The following VPS33A variants were observed in gnomAD, a reference collection of about 807,000 sequenced individuals.
The protein encoded by VPS33A is VPS33A core subunit of CORVET and HOPS complexes.
VPS33A carries 32 observed loss-of-function variants against 71.8 expected under a neutral mutation model. The ratio of observed to expected loss-of-function variants is 0.45; its 90% CI spans 0.34 to 0.60. VPS33A has a LOEUF of 0.60. VPS33A is among the 20% of genes least tolerant of loss of function. VPS33A has a pLI of 0.02. For synonymous variants in VPS33A, 311 were observed against 292.7 expected (o/e 1.06, Z -0.64); for missense variants, 625 against 748.5 (o/e 0.84, Z 1.92).
chr12:122,239,891 A>G lies in VPS33A; in HGVS notation c.1151T>C (p.Ile384Thr). 1 of 1,612,522 alleles carries G rather than the reference A, an allele frequency of 6.2e-7. No homozygotes were observed. Reference protein sequence around the residue: ...LTVEQEFMSGIDTDKVNNYIE... With the variant: ...LTVEQEFMSGTDTDKVNNYIE... Reference sequence around the variant, plus strand: ...TTGTCCACATACCTTATCAGTGTCTATTCCAGACATAAACTCCTGTTCCAC... The same window carrying G: ...TTGTCCACATACCTTATCAGTGTCTGTTCCAGACATAAACTCCTGTTCCAC... Residue 384 changes from isoleucine to threonine, a missense_variant, in exon 9 of 13, where the codon ATA becomes ACA. Transcript: ENST00000267199.
chr12:122,261,126 G>T, intron 4 of VPS33A, 135 bp downstream of exon 4: 1 of 717,754 alleles, frequency 1.4e-6, no homozygotes, highest in Non-Finnish European at 2.1e-6. Context: ...TGAACAATTT[G>T]TTGAACAGAA....
At position 122,242,660 on chromosome 12, in the gene VPS33A, C is replaced by A. The variant is rs1954730998; in HGVS notation, c.970-152G>T. On this transcript the variant is annotated intron_variant, in intron 7 of 12. Coordinates refer to ENST00000267199, the MANE Select transcript of VPS33A (RefSeq NM_022916.6). ...CTCCGCCTCCCAGGTTCAAGTGATT[C>A]TCATGCCTCAGCCTCCCGAGTAGCT... 2.1e-5 allele frequency: 21 copies of A among 1,001,900 alleles called. No individual in the cohort carries two copies. In the South Asian group the frequency reaches 4.0e-4, roughly 19 times the overall value. The allele number at this position is 1,001,900 out of a possible 1,614,324, so 62.1% of individuals were successfully genotyped here.
intron 10 of VPS33A, among the ~76,000 whole-genome samples, chr12:122,237,564 T>A (rs1316220942): frequency 7.5e-6 from 1 of 132,724 alleles, no homozygotes; most frequent in East Asian, 2.2e-4. Flanking sequence ...TGAGACGGAG[T>A]CTCGCTCTGT....
At chr12:122,244,490 T>G in intron 7 of VPS33A, 79 bp downstream of exon 7, 1 of 1,271,342 alleles carries the variant, frequency 7.9e-7, no homozygotes. Flanking sequence ...CTACATATTT[T>G]TGGAGCTCTT....
Position 122,249,961 on chromosome 12 carries a change from A to T in VPS33A, c.685T>A (p.Leu229Met). The change falls in exon 6 of 13, where the codon TTG becomes ATG. Residue 229 changes from leucine to methionine, a missense_variant. Transcript: ENST00000267199. Reference protein sequence around the residue: ...SIFPVFDNLLLLDRNVDLLTP... With the variant: ...SIFPVFDNLLMLDRNVDLLTP... ...AATAAATCCACATTCCGATCAAGCA[A>T]CAAGAGATTATCAAAAACAGGAAAT... 6.2e-7 allele frequency: 1 copy of T among 1,614,176 alleles called. No homozygotes were observed. The highest frequency in any genetic ancestry group is 8.5e-7 in the Non-Finnish European group (1 of 1,180,022).
chr12:122,236,760 G>C (rs1251267829), intron 10 of VPS33A, among the ~76,000 whole-genome samples: 1 of 152,206 alleles, frequency 6.6e-6, no homozygotes, highest in Non-Finnish European at 1.5e-5. Context: ...CATGACGTAG[G>C]TATCATTACC....
chr12:122,244,960 C>T (rs952069681), intron 6 of VPS33A, among the ~76,000 whole-genome samples, 198 bp from the exon 7 acceptor site: 1 of 152,196 alleles, frequency 6.6e-6, no homozygotes, highest in Non-Finnish European at 1.5e-5. Context: ...TTCTCATTAT[C>T]TTTGGGGCAC....
chr12:122,261,560 G>T, intron 3 of VPS33A, 113 bp from the exon 4 acceptor site: 1 of 994,682 alleles, frequency 1.0e-6, no homozygotes, highest in Non-Finnish European at 1.5e-6. Context: ...ATGCTGGCTA[G>T]ATAAATCATA....
intron 7 of VPS33A, among the ~76,000 whole-genome samples, chr12:122,242,722 T>G (rs1323053312): frequency 6.6e-6 from 1 of 151,960 alleles, no homozygotes; most frequent in Non-Finnish European, 1.5e-5. Context: ...CCAAACTAAT[T>G]TTTGTATTTT....
At chr12:122,253,662 T>C (rs935713100) in intron 4 of VPS33A, 3 of 154,360 alleles carry the variant, frequency 1.9e-5, no homozygotes, top group Admixed American at 6.5e-5. Flanking sequence ...CAATATTTTT[T>C]AAAAGATGTA....
At chr12:122,238,770 T>TACATACACACAC in intron 9 of VPS33A, 46 bp from the exon 10 acceptor site, 1 of 871,996 alleles carries the variant, frequency 1.1e-6, no homozygotes, top group Non-Finnish European at 1.8e-6. Context: ...TACATATACA[T>TACATACACACAC]ACACACACAC....
intron 6 of VPS33A, among the ~76,000 whole-genome samples, chr12:122,245,361 T>C (rs1954763767): frequency 6.6e-6 from 1 of 152,036 alleles, no homozygotes; most frequent in South Asian, 2.1e-4. Context: ...TTACTGTGGA[T>C]TGGAATCCAA....
chr12:122,259,631 A>G (rs1566051790), intron 4 of VPS33A, among the ~76,000 whole-genome samples: 1 of 152,184 alleles, frequency 6.6e-6, no homozygotes, highest in African/African-American at 2.4e-5. Context: ...TCAGGTGTCC[A>G]TCAGCTGATG....
At chr12:122,250,070 TG>T (rs1954823347) in intron 5 of VPS33A, 25 bp from the exon 6 acceptor site, 1 of 1,576,074 alleles carries the variant, frequency 6.3e-7, no homozygotes, top group Non-Finnish European at 8.6e-7. Flanking sequence ...TTGGATGAGG[TG>T]GGGCCCCCCT....
chr12:122,243,005 T>C (rs1174432796), intron 7 of VPS33A, among the ~76,000 whole-genome samples: 1 of 152,198 alleles, frequency 6.6e-6, no homozygotes, highest in Non-Finnish European at 1.5e-5. Flanking sequence ...GAGGTCATGG[T>C]GCCTGTCTCC....
Position 122,242,231 on chromosome 12 carries a change from T to C in VPS33A, c.1096+151A>G, listed in dbSNP as rs1178946515. ...CCTGGAATATCCTTAACTATTAACA[T>C]ATGTATACTTCATTAACACTGAGAA... On this transcript the variant is annotated intron_variant, in intron 8 of 12. Transcript: ENST00000267199. The C allele has an allele frequency of 7.2e-6, 7 of 978,204 alleles. No homozygotes were observed. In the East Asian group the frequency reaches 1.8e-4, roughly 25 times the overall value. 60.6% of individuals were successfully genotyped at this position (978,204 alleles called of 1,614,324 possible).
At chr12:122,262,340 T>G (rs1205200244) in intron 3 of VPS33A, among the ~76,000 whole-genome samples, 3 of 152,226 alleles carry the variant, frequency 2.0e-5, no homozygotes, top group Non-Finnish European at 4.4e-5. Flanking sequence ...ATTGAAGCTC[T>G]CAGGTTGATT....
At chr12:122,245,574 G>A (rs1664911840) in intron 6 of VPS33A, among the ~76,000 whole-genome samples, 1 of 151,792 alleles carries the variant, frequency 6.6e-6, no homozygotes, top group African/African-American at 2.4e-5. Context: ...CTCCTGAGTA[G>A]CTCAGATTAT....
chr12:122,259,893 A>G (rs996880824), intron 4 of VPS33A, among the ~76,000 whole-genome samples: 1 of 152,078 alleles, frequency 6.6e-6, no homozygotes. Context: ...TTAAAAAAAA[A>G]TTAGCCAGGT....
Sources: gnomAD v4.1 joint callset for allele counts (sites outside exome capture counted in the v4.1 genomes callset) on GRCh38, gnomAD v4.1.1 for gene constraint, MANE v1.5 for transcripts, NCBI Gene and HGNC (gene_info 2026-07-23, HGNC 2026-07-21) for gene names.